The following IDUA variants were observed in gnomAD, a reference collection of about 807,000 sequenced individuals.
IDUA encodes alpha-L-iduronidase, also known as iduronidase alpha-L-.
In IDUA, 65 loss-of-function variants were observed where a neutral mutation model predicts 68.9. That is an observed-to-expected ratio of 0.94 (90% CI 0.77 to 1.16). IDUA has a LOEUF of 1.16. Ranked by LOEUF, IDUA falls within the 50% of genes most tolerant of loss-of-function variation. IDUA has a pLI of 0.00. For missense variants in IDUA, 1,046 were observed against 938.0 expected, an observed-to-expected ratio of 1.12 and a Z score of -1.50; for synonymous variants, 529 against 433.6, an observed-to-expected ratio of 1.22 and a Z score of -2.73.
In IDUA at chr4:1,002,931, G is replaced by GC. The variant is rs1386109118; in HGVS notation, c.1395dup (p.Gly466ArgfsTer43). On this transcript the variant is annotated frameshift_variant, in exon 9 of 14. Coordinates refer to ENST00000514224, the MANE Select transcript of IDUA (RefSeq NM_000203.5). LOFTEE classifies it high-confidence loss of function. ...CGGTGACCCTGCGGCTGCGCGGGGTGCCCCCCGGCCCGGGTAAGCCGGGGT... is the reference window on the plus strand; with the variant it reads ...CGGTGACCCTGCGGCTGCGCGGGGTGCCCCCCCGGCCCGGGTAAGCCGGGGT... 4.4e-6 allele frequency: 6 copies of GC among 1,359,312 alleles called. No homozygotes were observed. Among genetic ancestry groups the GC allele is most frequent in the Non-Finnish European group, 5.6e-6 (6 of 1,063,988 alleles). The allele number at this position is 1,359,312 out of a possible 1,614,324, so 84.2% of individuals were successfully genotyped here.
intron 9 of IDUA, 40 bp downstream of exon 9, chr4:1,002,984 G>A (rs998370529): frequency 1.9e-5 from 27 of 1,410,366 alleles, no homozygotes; most frequent in Non-Finnish European, 2.5e-5. Context: ...CCCCGCTGGG[G>A]CTCTGGAGGG....
intron 8 of IDUA, 48 bp downstream of exon 8, chr4:1,002,533 G>C (rs1480752002): frequency 1.4e-6 from 2 of 1,417,592 alleles, no homozygotes; most frequent in African/African-American, 3.0e-5. Context: ...TCCAGGCTGG[G>C]GAGCGGCTCC....
chr4:1,001,908 G>A (rs373585616), intron 6 of IDUA, 27 bp downstream of exon 6: 61 of 1,570,178 alleles, frequency 3.9e-5, no homozygotes, highest in Non-Finnish European at 5.2e-5. Flanking sequence ...CGTCCGCCCC[G>A]GTGTTCTGCG....
In IDUA at chr4:1,000,889, G is replaced by C. The variant is rs1715030899; in HGVS notation, c.393G>C (p.Glu131Asp). The change falls in exon 4 of 14, where the codon GAG becomes GAC. Residue 131 changes from glutamate to aspartate, a missense_variant. Coordinates refer to ENST00000514224, the MANE Select transcript of IDUA (RefSeq NM_000203.5). ...LRENQLLPGF[E>D]LMGSASGHFT... ...AGCCCTCCTGTGTTCCAGGGTTTGA[G>C]CTGATGGGCAGCGCCTCGGGCCACT... 1.2e-6 allele frequency: 2 copies of C among 1,613,128 alleles called. No homozygotes were observed. The highest frequency in any genetic ancestry group is 8.5e-7 in the Non-Finnish European group (1 of 1,179,736).
rs1715067539 is a variant in IDUA, at chr4:1,001,474, A to G, written c.500A>G (p.Tyr167Cys). 6.2e-7 allele frequency: 1 copy of G among 1,612,970 alleles called. No homozygotes were observed. Among genetic ancestry groups the G allele is most frequent in the Non-Finnish European group, 8.5e-7 (1 of 1,179,840 alleles). ...CAGCAAGGCTCCTCTGCAGGTAGGT[A>G]CGGACTGGCGCATGTTTCCAAGTGG... Reference protein sequence around the residue: ...SSLARRYIGRYGLAHVSKWNF... With the variant: ...SSLARRYIGRCGLAHVSKWNF... Residue 167 changes from tyrosine (Y) to cysteine (C), a missense_variant, in exon 5 of 14, where the codon TAC becomes TGC. By Grantham distance (194) the Tyr-to-Cys change is radical. Coordinates refer to ENST00000514224, the MANE Select transcript of IDUA (RefSeq NM_000203.5).
At position 1,000,660 on chromosome 4, in the gene IDUA, G is replaced by T; in HGVS notation, c.348G>T (p.Gly116=). The T allele has an allele frequency of 1.9e-6, 3 of 1,612,730 alleles. No individual in the cohort carries two copies. Among genetic ancestry groups the T allele is most frequent in the Non-Finnish European group, 2.5e-6 (3 of 1,179,894 alleles). Residue 116 remains glycine, a synonymous_variant, in exon 3 of 14, where the codon GGG becomes GGT. Coordinates refer to ENST00000514224, the MANE Select transcript of IDUA (RefSeq NM_000203.5). ...GCTACAACTTCACCCACCTGGACGG[G>T]TACCTGGACCTTCTCAGGGAGAACC... ...GLSYNFTHLD[G]YLDLLRENQL... is the part of the protein sequence containing the mutation.
chr4:988,688 G>A, intron 2 of IDUA: 1 of 1,414,112 alleles, frequency 7.1e-7, no homozygotes, highest in Non-Finnish European at 9.2e-7. Flanking sequence ...CCCAGTTGGG[G>A]TTCCCCGGTT....
intron 1 of IDUA, 103 bp downstream of exon 1, chr4:987,345 C>A: frequency 1.7e-6 from 2 of 1,145,078 alleles, no homozygotes; most frequent in Middle Eastern, 2.9e-4. Flanking sequence ...GCTCCCTCCT[C>A]TGGGGCCCTG....
In IDUA at chr4:1,004,150, C is replaced by G; in HGVS notation, c.1828+38C>G. 1.2e-6 allele frequency: 2 copies of G among 1,611,292 alleles called. No individual in the cohort carries two copies. Among genetic ancestry groups the G allele is most frequent in the Non-Finnish European group, 1.7e-6 (2 of 1,178,582 alleles). On this transcript the variant is annotated intron_variant, in intron 13 of 13. Coordinates refer to ENST00000514224, the MANE Select transcript of IDUA (RefSeq NM_000203.5). The surrounding 1 kb of genome is among the most constrained non-coding windows in gnomAD (Gnocchi z 5.0). ...CCCGCTGCCCTGGACTCGGCCACCC[C>G]ATTCTTGGGCCTCAGGGCAGTACTG...
Position 996,605 on chromosome 4 carries a change from C to T in IDUA, c.300-4007C>T, listed in dbSNP as rs376723894. 3.3e-5 allele frequency among the ~76,000 whole-genome samples: 5 copies of T among 152,356 alleles called. No individual in the cohort carries two copies. In the East Asian group the frequency reaches 9.6e-4, roughly 29 times the overall value. Reference sequence around the variant, plus strand: ...CTCAGCCGCACTGCAGGGGCCTGGCCTCAGGTCTTCTGCAGGCATTGGGCC... The same window carrying T: ...CTCAGCCGCACTGCAGGGGCCTGGCTTCAGGTCTTCTGCAGGCATTGGGCC... On this transcript the variant is annotated intron_variant, in intron 2 of 13. Coordinates refer to ENST00000514224, the MANE Select transcript of IDUA (RefSeq NM_000203.5).
rs1178237301 is a variant in IDUA, at chr4:1,001,738, C to A, written c.649C>A (p.Arg217=). 6.3e-7 allele frequency: 1 copy of A among 1,598,936 alleles called. No individual in the cohort carries two copies. Among genetic ancestry groups the A allele is most frequent in the Non-Finnish European group, 8.5e-7 (1 of 1,178,174 alleles). Residue 217 remains arginine, a synonymous_variant, in exon 6 of 14, where the codon CGG becomes AGG. Coordinates refer to ENST00000514224, the MANE Select transcript of IDUA (RefSeq NM_000203.5). Reference sequence around the variant, plus strand: ...TCTGCGCGCCGCCAGCCCCGCCCTGCGGCTGGGAGGCCCCGGCGACTCCTT... The same window carrying A: ...TCTGCGCGCCGCCAGCCCCGCCCTGAGGCTGGGAGGCCCCGGCGACTCCTT... ...EGLRAASPAL[R]LGGPGDSFHT... is the part of the protein sequence containing the mutation.
Position 1,003,418 on chromosome 4 carries a change from C to T in IDUA, c.1598C>T (p.Pro533Leu), listed in dbSNP as rs121965021. Reference sequence around the variant, plus strand: ...ACCCTGCGCCCCGCGCTGCGGCTGCCGTCGCTTTTGCTGGTGCACGTGTGT... The same window carrying T: ...ACCCTGCGCCCCGCGCTGCGGCTGCTGTCGCTTTTGCTGGTGCACGTGTGT... ...RLTLRPALRL[P>L]SLLLVHVCAR... Residue 533 changes from proline (P) to leucine (L), a missense_variant, in exon 11 of 14, where the codon CCG becomes CTG. Coordinates refer to ENST00000514224, the MANE Select transcript of IDUA (RefSeq NM_000203.5). 2 of 1,529,188 alleles carry T rather than the reference C, an allele frequency of 1.3e-6. No individual in the cohort carries two copies. Among genetic ancestry groups the T allele is most frequent in the Non-Finnish European group, 1.7e-6 (2 of 1,144,662 alleles). The allele number at this position is 1,529,188 out of a possible 1,614,324, so 94.7% of individuals were successfully genotyped here.
intron 2 of IDUA, among the ~76,000 whole-genome samples, chr4:998,988 A>G (rs1560544257): frequency 1.3e-5 from 2 of 152,062 alleles, no homozygotes; most frequent in Non-Finnish European, 2.9e-5. Context: ...GCGGATCACG[A>G]GGTCAGGAAA....
In IDUA at chr4:987,866, C is replaced by G. The variant is rs1174720330; in HGVS notation, c.216C>G (p.Leu72=). ...DQYVLSWDQQ[L]NLAYVGAVPH... ...ACGTCCTCAGCTGGGACCAGCAGCT[C>G]AACCTCGCCTATGTGGGCGCCGTCC... The change falls in exon 2 of 14, where the codon CTC becomes CTG. Residue 72 remains leucine (L), a synonymous_variant. Transcript: ENST00000514224. The G allele has an allele frequency of 6.8e-6, 11 of 1,612,268 alleles. No homozygotes were observed. Among genetic ancestry groups the G allele is most frequent in the African/African-American group, 1.3e-5 (1 of 74,938 alleles).
chr4:989,180 G>A, intron 2 of IDUA: 1 of 1,607,724 alleles, frequency 6.2e-7, no homozygotes, highest in South Asian at 1.1e-5. Context: ...CCCTGGGCAG[G>A]GCCTCCCTCA....
chr4:988,495 T>A, intron 2 of IDUA: 4 of 1,133,450 alleles, frequency 3.5e-6, no homozygotes, highest in Non-Finnish European at 4.3e-6. Context: ...GGAGGCTGCA[T>A]GATGGCGGGG....
At chr4:994,193 A>G (rs1248078099) in intron 2 of IDUA, among the ~76,000 whole-genome samples, 1 of 152,106 alleles carries the variant, frequency 6.6e-6, no homozygotes, top group East Asian at 1.9e-4. Flanking sequence ...TAATTCCAAC[A>G]CTTTGGGAGG....
upstream of IDUA, chr4:987,035 G>T: frequency 1.3e-6 from 2 of 1,508,164 alleles, no homozygotes; most frequent in East Asian, 2.5e-5. Flanking sequence ...ACCCGGAGGC[G>T]GAACCGGCAG....
chr4:1,003,499 C>A, intron 11 of IDUA, 29 bp downstream of exon 11: 1 of 1,596,992 alleles, frequency 6.3e-7, no homozygotes, highest in Non-Finnish European at 8.5e-7. Flanking sequence ...ACCCGCGCCG[C>A]GGCCCGGACT....
Sources: allele counts gnomAD v4.1 joint callset (sites outside exome capture counted in the v4.1 genomes callset), GRCh38; gene constraint gnomAD v4.1.1; non-coding constraint Gnocchi (gnomAD v3.1); transcripts MANE v1.5; gene names NCBI Gene and HGNC (gene_info 2026-07-23, HGNC 2026-07-21).